The following PIEZO2 variants were observed in gnomAD, a reference collection of about 807,000 sequenced individuals.
The protein encoded by PIEZO2 is piezo type mechanosensitive ion channel component 2.
PIEZO2 carries 172 observed loss-of-function variants against 337.3 expected under a neutral mutation model. The observed-to-expected ratio is 0.51, with a 90% CI of 0.45 to 0.58. The LOEUF (loss-of-function observed/expected upper bound fraction) is 0.58, where lower values mean the gene tolerates loss of function less well. Among genes scored for constraint, PIEZO2 ranks in the 20% least tolerant of loss-of-function variants. The probability of loss-of-function intolerance (pLI) is 0.00; values close to 1 mark genes in which losing one functional copy is unlikely to be tolerated. For missense variants in PIEZO2, 3,028 were observed against 3,391.3 expected, an observed-to-expected ratio of 0.89 and a Z score of 2.66; for synonymous variants, 1,251 against 1,228.5, an observed-to-expected ratio of 1.02 and a Z score of -0.38.
chr18:10,931,172 A>G (rs2032058466), intron 3 of PIEZO2, among the ~76,000 whole-genome samples: 1 of 151,914 alleles, frequency 6.6e-6, no homozygotes, highest in Non-Finnish European at 1.5e-5. Flanking sequence ...CTAAATATAT[A>G]TCTACTTATA....
At chr18:10,994,468 G>GGT (rs1243278561) in intron 2 of PIEZO2, among the ~76,000 whole-genome samples, 3 of 150,854 alleles carry the variant, frequency 2.0e-5, no homozygotes, top group Non-Finnish European at 4.4e-5. Context: ...GGAGTGCAGT[G>GGT]GTGTGATCTC....
chr18:10,776,242 C>T (rs1232001947), intron 18 of PIEZO2, among the ~76,000 whole-genome samples: 3 of 152,038 alleles, frequency 2.0e-5, no homozygotes, highest in Non-Finnish European at 1.5e-5. Flanking sequence ...GCTATGTAAC[C>T]TATCTTTTAA....
intron 7 of PIEZO2, among the ~76,000 whole-genome samples, chr18:10,835,328 A>T (rs1326421899): frequency 1.3e-5 from 2 of 151,280 alleles, no homozygotes; most frequent in Non-Finnish European, 2.9e-5. Flanking sequence ...AGAAAGAGAC[A>T]TTCCATATTT....
In PIEZO2 at chr18:10,707,101, C is replaced by T. The variant is rs1025278791; in HGVS notation, c.5588+1174G>A. On this transcript the variant is annotated intron_variant, in intron 40 of 55. Transcript: ENST00000674853. This position sits in a 1 kb window ranked among gnomAD's most constrained non-coding sequence, Gnocchi z 4.2. ...TGTCCTTGAGTGCGCACATCATGTA[C>T]GGGCTGGTGAAATGCCAGCCCAAAA... Among the ~76,000 whole-genome samples, 8 of 152,258 alleles carry T rather than the reference C, an allele frequency of 5.3e-5. No homozygotes were observed. Among genetic ancestry groups the T allele is most frequent in the African/African-American group, 1.4e-4 (6 of 41,544 alleles).
In PIEZO2 at chr18:10,672,197, T is replaced by C. The variant is rs1477427236; in HGVS notation, c.8346-418A>G. Among the ~76,000 whole-genome samples the C allele has an allele frequency of 2.0e-5, 3 of 152,220 alleles. No homozygotes were observed. The highest frequency in any genetic ancestry group is 1.3e-4 in the Admixed American group (2 of 15,290). On this transcript the variant is annotated intron_variant, in intron 55 of 55. Transcript: ENST00000674853. The surrounding 1 kb of genome is among the most constrained non-coding windows in gnomAD (Gnocchi z 4.7). The stretch of plus-strand genomic sequence containing the variant: ...ATACTGTCTCTCAGATTAATTTTTA[T>C]AAAATTCTGGGTGAAAATCATTTCT...
intron 2 of PIEZO2, among the ~76,000 whole-genome samples, chr18:11,053,831 C>T (rs923164933): frequency 5.3e-5 from 8 of 151,738 alleles, no homozygotes; most frequent in South Asian, 2.1e-4. Flanking sequence ...GCCTGGACAA[C>T]GTGGTAAAAC....
chr18:11,140,073 AG>A (rs2040598519), intron 1 of PIEZO2, among the ~76,000 whole-genome samples: 1 of 152,178 alleles, frequency 6.6e-6, no homozygotes, highest in Admixed American at 6.5e-5. Context: ...AATGCAGTTA[AG>A]GACCCCCAGT....
intron 2 of PIEZO2, among the ~76,000 whole-genome samples, chr18:11,056,592 A>G (rs2037739737): frequency 6.6e-6 from 1 of 152,196 alleles, no homozygotes; most frequent in Non-Finnish European, 1.5e-5. Context: ...TTGGTTACTG[A>G]AGGGGATGGA....
At chr18:10,745,004 G>A (rs2037367201) in intron 30 of PIEZO2, among the ~76,000 whole-genome samples, 1 of 151,992 alleles carries the variant, frequency 6.6e-6, no homozygotes, top group African/African-American at 2.4e-5. Flanking sequence ...TACAGTGGCT[G>A]TTTCAAACTC....
At chr18:11,139,203 A>G (rs998627846) in intron 1 of PIEZO2, among the ~76,000 whole-genome samples, 2 of 152,190 alleles carry the variant, frequency 1.3e-5, no homozygotes, top group African/African-American at 4.8e-5. Context: ...TCCAGATGAA[A>G]TATCTCAAAA....
intron 4 of PIEZO2, among the ~76,000 whole-genome samples, chr18:10,884,349 T>A (rs264210): frequency 0.95 from 143,956 of 152,278 alleles, 68,137 homozygotes; most frequent in East Asian, 1. Context: ...TTAGTGCTGC[T>A]ATGCATTTGT....
Position 11,129,651 on chromosome 18 carries a change from A to G in PIEZO2, c.64+18874T>C, listed in dbSNP as rs531765869. ...GAGGAAGAACCCCACTACATTACGG[A>G]CAATATATGCAGTGAATCTTTCTCC... is the stretch of plus-strand genomic sequence containing the variant. On this transcript the variant is annotated intron_variant, in intron 1 of 55. Transcript: ENST00000674853. This position sits in a 1 kb window ranked among gnomAD's most constrained non-coding sequence, Gnocchi z 4.6. Among the ~76,000 whole-genome samples, 18 of 152,264 alleles carry G rather than the reference A, an allele frequency of 1.2e-4. No individual in the cohort carries two copies. Among genetic ancestry groups the G allele is most frequent in the African/African-American group, 3.9e-4 (16 of 41,542 alleles).
intron 7 of PIEZO2, among the ~76,000 whole-genome samples, chr18:10,835,444 A>G (rs2040978785): frequency 6.6e-6 from 1 of 152,242 alleles, no homozygotes; most frequent in South Asian, 2.1e-4. Context: ...CTATTTTTCC[A>G]GCATTCTTTA....
rs543752948 is a variant in PIEZO2, at chr18:11,038,925, A to G, written c.160+27202T>C. 6.6e-6 allele frequency among the ~76,000 whole-genome samples: 1 copy of G among 152,292 alleles called. No homozygotes were observed. The highest frequency in any genetic ancestry group is 6.5e-5 in the Admixed American group (1 of 15,296). On this transcript the variant is annotated intron_variant, in intron 2 of 55. Transcript: ENST00000674853. This position sits in a 1 kb window ranked among gnomAD's most constrained non-coding sequence, Gnocchi z 4.1. ...AGACAGTAAGAATCATGATTTTGAA[A>G]CCACTGTAGCTTTGACTAGACATAG...
In PIEZO2 at chr18:10,969,348, G is replaced by C. The variant is rs1039251074; in HGVS notation, c.286+10187C>G. On this transcript the variant is annotated intron_variant, in intron 3 of 55. Transcript: ENST00000674853. The surrounding 1 kb of genome is among the most constrained non-coding windows in gnomAD (Gnocchi z 4.5). ...CAAATCATTTTAAACTTCCTGCTCT[G>C]TGATTTGTCTTACAGCAAGGACTGG... 6.6e-6 allele frequency among the ~76,000 whole-genome samples: 1 copy of C among 151,930 alleles called. No individual in the cohort carries two copies. Among genetic ancestry groups the C allele is most frequent in the Non-Finnish European group, 1.5e-5 (1 of 68,000 alleles).
chr18:10,729,318 T>C (rs1292914124), intron 36 of PIEZO2, among the ~76,000 whole-genome samples: 1 of 152,090 alleles, frequency 6.6e-6, no homozygotes, highest in Non-Finnish European at 1.5e-5. Context: ...TATGGATACA[T>C]TTCCTTTGTA....
rs909692939 is a variant in PIEZO2 at position 11,099,137 on chromosome 18, A to G, written c.65-32915T>C. Among the ~76,000 whole-genome samples, 1 of 152,126 alleles carries G rather than the reference A, an allele frequency of 6.6e-6. No homozygotes were observed. The highest frequency in any genetic ancestry group is 2.4e-5 in the African/African-American group (1 of 41,412). ...AGACTGCAGATTTTTCATAGTTAAC[A>G]TGAATTATTTAACCAATTCCCTGAC... On this transcript the variant is annotated intron_variant, in intron 1 of 55. Transcript: ENST00000674853. This position sits in a 1 kb window ranked among gnomAD's most constrained non-coding sequence, Gnocchi z 5.4.
Position 11,040,411 on chromosome 18 carries a change from T to C in PIEZO2, c.160+25716A>G, listed in dbSNP as rs530556007. 2.0e-5 allele frequency among the ~76,000 whole-genome samples: 3 copies of C among 152,328 alleles called. 1 individual carries two copies. In the East Asian group the frequency reaches 5.8e-4, roughly 29 times the overall value. On this transcript the variant is annotated intron_variant, in intron 2 of 55. Transcript: ENST00000674853. ...AAAGGTTGAGGAGGTAATGACTAAA[T>C]TGATCAGAACATAATCAGGGTTTTA... is the stretch of plus-strand genomic sequence containing the variant.
At chr18:10,693,326 G>C (rs1027947088) in intron 47 of PIEZO2, among the ~76,000 whole-genome samples, 2 of 150,164 alleles carry the variant, frequency 1.3e-5, no homozygotes, top group Non-Finnish European at 2.9e-5. Flanking sequence ...TCTGCCGCAT[G>C]GTTTTGCTTC....
Sources: gnomAD v4.1 joint callset for allele counts (sites outside exome capture counted in the v4.1 genomes callset) on GRCh38, gnomAD v4.1.1 for gene constraint, Gnocchi (gnomAD v3.1) non-coding constraint, MANE v1.5 for transcripts, NCBI Gene and HGNC (gene_info 2026-07-23, HGNC 2026-07-21) for gene names.